The following PPP2R2C variants were observed in gnomAD, a reference collection of about 807,000 sequenced individuals.
PPP2R2C encodes protein phosphatase 2, regulatory subunit B, gamma.
PPP2R2C carries 10 observed loss-of-function variants against 45.3 expected under a neutral mutation model. The ratio of observed to expected loss-of-function variants is 0.22; its 90% CI spans 0.14 to 0.37. The LOEUF (loss-of-function observed/expected upper bound fraction) is 0.37. PPP2R2C is among the 10% of genes least tolerant of loss of function. The pLI is 1.00. For missense variants in PPP2R2C, 308 were observed against 619.7 expected (o/e 0.50, Z 5.34); for synonymous variants, 257 against 245.4 (o/e 1.05, Z -0.44).
At chr4:6,528,699 T>C (rs982921519) in intron 2 of PPP2R2C, among the ~76,000 whole-genome samples, 1 of 152,172 alleles carries the variant, frequency 6.6e-6, no homozygotes, top group Non-Finnish European at 1.5e-5. Context: ...CTGATGACAT[T>C]CCACCACAAA....
intron 1 of PPP2R2C, among the ~76,000 whole-genome samples, chr4:6,431,364 T>C (rs1719605785): frequency 6.6e-6 from 1 of 152,214 alleles, no homozygotes; most frequent in Non-Finnish European, 1.5e-5. Context: ...CAGAACACCA[T>C]GGAGGGGCCC....
At chr4:6,371,263 A>G (rs1339568344) in intron 5 of PPP2R2C, among the ~76,000 whole-genome samples, 3 of 152,206 alleles carry the variant, frequency 2.0e-5, no homozygotes, top group Non-Finnish European at 2.9e-5. Context: ...GGGACATCCA[A>G]CGCTTTGCTC....
intron 1 of PPP2R2C, among the ~76,000 whole-genome samples, chr4:6,450,231 G>A (rs1274384696): frequency 6.6e-6 from 1 of 152,180 alleles, no homozygotes; most frequent in East Asian, 1.9e-4. Flanking sequence ...GTGGAGTGGG[G>A]GGGTTCAGCA....
intron 6 of PPP2R2C, among the ~76,000 whole-genome samples, chr4:6,334,400 C>T (rs4688994): frequency 0.23 from 35,688 of 152,008 alleles, 4,440 homozygotes; most frequent in East Asian, 0.27. Flanking sequence ...CTAAAGGCAA[C>T]GGTTTGCTGC....
At chr4:6,361,778 G>A (rs1713758928) in intron 5 of PPP2R2C, among the ~76,000 whole-genome samples, 1 of 152,198 alleles carries the variant, frequency 6.6e-6, no homozygotes. Flanking sequence ...GTGCACCCAG[G>A]CAGCTGTACC....
intron 1 of PPP2R2C, among the ~76,000 whole-genome samples, chr4:6,447,823 T>TGCG (rs1720511945): frequency 6.6e-6 from 1 of 152,160 alleles, no homozygotes; most frequent in African/African-American, 2.4e-5. Context: ...CAGCTACGGC[T>TGCG]GGAGTAACAG....
chr4:6,476,517 A>C (rs1447047028), upstream of PPP2R2C, among the ~76,000 whole-genome samples: 3 of 152,192 alleles, frequency 2.0e-5, no homozygotes, highest in African/African-American at 4.8e-5. Context: ...TTGGCTATCC[A>C]CAAATCAGGA....
intron 2 of PPP2R2C, among the ~76,000 whole-genome samples, chr4:6,496,331 A>T (rs1006502504): frequency 2.0e-5 from 3 of 152,184 alleles, no homozygotes; most frequent in African/African-American, 7.2e-5. Context: ...GAATCATCCC[A>T]TCTGGACCCC....
intron 8 of PPP2R2C, 58 bp from the exon 9 acceptor site, chr4:6,323,651 T>C (rs1462828216): frequency 5.6e-6 from 8 of 1,439,498 alleles, no homozygotes; most frequent in Non-Finnish European, 7.3e-6. Flanking sequence ...TCTCGAGAAA[T>C]AAGCCCAGGT....
At chr4:6,501,917 G>T (rs928692736) in intron 2 of PPP2R2C, among the ~76,000 whole-genome samples, 2 of 152,204 alleles carry the variant, frequency 1.3e-5, no homozygotes, top group Admixed American at 1.3e-4. Flanking sequence ...AGAAAGCCCA[G>T]CACATAGCAG....
chr4:6,359,834 G>A (rs1477769754), intron 5 of PPP2R2C, among the ~76,000 whole-genome samples: 2 of 152,132 alleles, frequency 1.3e-5, no homozygotes, highest in African/African-American at 2.4e-5. Flanking sequence ...AGGGCTGCTC[G>A]CTCCTCTACA....
rs1362555806 is a variant in PPP2R2C at position 6,345,613 on chromosome 4, A to G, written c.790+2233T>C. On this transcript the variant is annotated intron_variant, in intron 6 of 8. Coordinates refer to ENST00000382599, the MANE Select transcript of PPP2R2C (RefSeq NM_020416.4). This position sits in a 1 kb window ranked among gnomAD's most constrained non-coding sequence, Gnocchi z 5.3. ...TGGGGGAGGGGCCACGTGCCAGGGA[A>G]CGCAGCGCCTCTAGAAGCCAGAAGA... 1.3e-5 allele frequency among the ~76,000 whole-genome samples: 2 copies of G among 152,086 alleles called. No individual in the cohort carries two copies. Among genetic ancestry groups the G allele is most frequent in the African/African-American group, 2.4e-5 (1 of 41,426 alleles).
chr4:6,334,348 C>A (rs1375803743), intron 6 of PPP2R2C, among the ~76,000 whole-genome samples: 2 of 152,106 alleles, frequency 1.3e-5, no homozygotes, highest in Non-Finnish European at 2.9e-5. Flanking sequence ...CTCCTTTTTT[C>A]TTGGAGCACC....
chr4:6,347,789 T>TCCCCCCCC, intron 6 of PPP2R2C, 57 bp downstream of exon 6: 14 of 1,033,610 alleles, frequency 1.4e-5, no homozygotes, highest in Admixed American at 4.3e-5. Context: ...GGACAGGACA[T>TCCCCCCCC]CCCACCCGCC....
At chr4:6,463,069 T>G (rs112755236) in intron 1 of PPP2R2C, among the ~76,000 whole-genome samples, 1,550 of 152,312 alleles carry the variant, frequency 0.01, 24 homozygotes, top group African/African-American at 0.035. Flanking sequence ...AATTTGAAAG[T>G]TTGCATCAAA....
rs903108452 is a variant in PPP2R2C at position 6,322,803 on chromosome 4, A to G, written c.*499T>C. 2 of 152,624 alleles carry G rather than the reference A, an allele frequency of 1.3e-5. No homozygotes were observed. The highest frequency in any genetic ancestry group is 4.8e-5 in the African/African-American group (2 of 41,440). 9.5% of individuals were successfully genotyped at this position (152,624 alleles called of 1,614,324 possible). ...GGGCGAATTGCCCCATTTATAACCA[A>G]AAGAACCCCTGGCTGGCTCGTTTGA... On this transcript the variant is annotated 3_prime_UTR_variant, in exon 9 of 9. Transcript: ENST00000382599. This position sits in a 1 kb window ranked among gnomAD's most constrained non-coding sequence, Gnocchi z 7.8.
intron 5 of PPP2R2C, among the ~76,000 whole-genome samples, chr4:6,353,204 T>G (rs1027152267): frequency 6.6e-5 from 10 of 151,928 alleles, no homozygotes; most frequent in African/African-American, 2.4e-4. Context: ...AGGTGCTTCC[T>G]GGGAGTTGGG....
Position 6,351,076 on chromosome 4 carries a change from G to A in PPP2R2C, c.626-3066C>T, listed in dbSNP as rs1712508225. ...TCCCAGCACTTTGGGAGGTCAAGGC[G>A]AGCAGGTCACCTGAGCTCAGGAGTT... On this transcript the variant is annotated intron_variant, in intron 5 of 8. Coordinates refer to ENST00000382599, the MANE Select transcript of PPP2R2C (RefSeq NM_020416.4). The A allele has an allele frequency of 9.4e-6, 9 of 956,108 alleles. No individual in the cohort carries two copies. In the South Asian group the frequency reaches 2.9e-4, roughly 31 times the overall value. 59.2% of individuals were successfully genotyped at this position (956,108 alleles called of 1,614,324 possible).
At chr4:6,477,329 G>A (rs766299275), upstream of PPP2R2C, among the ~76,000 whole-genome samples, 13 of 152,138 alleles carry the variant, frequency 8.5e-5, no homozygotes, top group Non-Finnish European at 1.8e-4. Context: ...TTACCAAAGA[G>A]GTAACAGAAG....
Sources: gnomAD v4.1 joint callset for allele counts (sites outside exome capture counted in the v4.1 genomes callset) on GRCh38, gnomAD v4.1.1 for gene constraint, Gnocchi (gnomAD v3.1) non-coding constraint, MANE v1.5 for transcripts, NCBI Gene and HGNC (gene_info 2026-07-23, HGNC 2026-07-21) for gene names.